Variants in HMGXB3 observed in about 807,000 individuals in gnomAD.
The protein encoded by HMGXB3 is HMG domain-containing protein 3.
Under a neutral mutation model 121.5 loss-of-function variants are expected in HMGXB3, and 45 were observed. That is an observed-to-expected ratio of 0.37 (90% CI 0.29 to 0.47). The LOEUF (loss-of-function observed/expected upper bound fraction) is 0.47, where lower values mean the gene tolerates loss of function less well. HMGXB3 is among the 20% of genes least tolerant of loss of function. The pLI is 0.99. For missense variants in HMGXB3, 1,376 were observed against 1,602.2 expected (o/e 0.86, Z 2.41); for synonymous variants, 590 against 624.1 (o/e 0.95, Z 0.81).
rs2113741412 is a variant in HMGXB3 at position 150,024,515 on chromosome 5, G to A, written c.1295G>A (p.Gly432Glu). The A allele has an allele frequency of 6.4e-7, 1 of 1,551,688 alleles. No homozygotes were observed. The highest frequency in any genetic ancestry group is 1.2e-5 in the South Asian group (1 of 84,056). ...DAHVLVKEAP[G>E]NCGTAVTKTP... ...CATGTTTTGGTTAAGGAAGCTCCCGGGAATTGTGGTACAGCAGTCACTAAG... is the reference window on the plus strand; with the variant it reads ...CATGTTTTGGTTAAGGAAGCTCCCGAGAATTGTGGTACAGCAGTCACTAAG... The change falls in exon 7 of 20, where the codon GGG becomes GAG. Residue 432 changes from glycine (G) to glutamate (E), a missense_variant. By Grantham distance (98) the Gly-to-Glu change is moderately conservative. Around this residue, in one of 2 missense-constraint regions of HMGXB3, gnomAD observed 1,116 missense variants for 1,369.0 expected, o/e 0.82. Coordinates refer to ENST00000502717, the MANE Select transcript of HMGXB3 (RefSeq NM_014983.3).
At chr5:150,031,217 G>A (rs1756370258) in intron 10 of HMGXB3, among the ~76,000 whole-genome samples, 1 of 152,180 alleles carries the variant, frequency 6.6e-6, no homozygotes, top group Non-Finnish European at 1.5e-5. Flanking sequence ...CTAAAACAGA[G>A]TCCAGTTCAA....
intron 1 of HMGXB3, among the ~76,000 whole-genome samples, chr5:150,004,444 T>G (rs1236721953): frequency 6.6e-6 from 1 of 152,250 alleles, no homozygotes; most frequent in Non-Finnish European, 1.5e-5. Flanking sequence ...TTCTGATTCC[T>G]GGCCAAGCAT....
chr5:150,010,703 A>C (rs1424346984), intron 4 of HMGXB3, 95 bp downstream of exon 4: 6 of 1,240,770 alleles, frequency 4.8e-6, no homozygotes, highest in African/African-American at 4.5e-5. Context: ...AGTGGTAATC[A>C]AGAGTACTGG....
rs1333846060 is a variant in HMGXB3 at position 150,032,437 on chromosome 5, T to G, written c.1834-17T>G. The G allele has an allele frequency of 1.3e-6, 2 of 1,549,930 alleles. No homozygotes were observed. The highest frequency in any genetic ancestry group is 2.7e-5 in the African/African-American group (2 of 72,988). On this transcript the variant is annotated splice_polypyrimidine_tract_variant and intron_variant, in intron 10 of 19. Coordinates refer to ENST00000502717, the MANE Select transcript of HMGXB3 (RefSeq NM_014983.3). Reference sequence around the variant, plus strand: ...ACTTAATTTTTGTAGAATTGAACACTGGTCTTACTTTTTTAGGATTTGGGC... The same window carrying G: ...ACTTAATTTTTGTAGAATTGAACACGGGTCTTACTTTTTTAGGATTTGGGC...
rs1285422775 is a variant in HMGXB3, at chr5:150,010,103, A to G, written c.313-8A>G. 1.3e-6 allele frequency: 2 copies of G among 1,546,016 alleles called. No individual in the cohort carries two copies. The highest frequency in any genetic ancestry group is 8.7e-7 in the Non-Finnish European group (1 of 1,143,438). On this transcript the variant is annotated splice_region_variant and splice_polypyrimidine_tract_variant and intron_variant, in intron 3 of 19. Transcript: ENST00000502717. ...TTGTCTCCCCCTTCCTGGCTTCCTC[A>G]TCCTCAGAACTCTAAGCTCTCTGCA...
intron 11 of HMGXB3, among the ~76,000 whole-genome samples, chr5:150,034,256 A>G (rs904986812): frequency 1.3e-5 from 2 of 152,172 alleles, no homozygotes; most frequent in Non-Finnish European, 2.9e-5. Flanking sequence ...ATCACACCCC[A>G]TATTGACTGC....
At chr5:150,023,320 T>C (rs567250275) in intron 6 of HMGXB3, among the ~76,000 whole-genome samples, 44 of 152,176 alleles carry the variant, frequency 2.9e-4, no homozygotes, top group Non-Finnish European at 5.3e-4. Context: ...GTCTGGCTCC[T>C]GTTGACAAAT....
chr5:150,010,415 C>T lies in HMGXB3; in HGVS notation c.617C>T (p.Thr206Ile), dbSNP rs1243085107. The T allele has an allele frequency of 6.4e-7, 1 of 1,551,668 alleles. No homozygotes were observed. Among genetic ancestry groups the T allele is most frequent in the Non-Finnish European group, 8.7e-7 (1 of 1,147,002 alleles). The change falls in exon 4 of 20, where the codon ACC becomes ATC. Residue 206 changes from threonine to isoleucine, a missense_variant. Thr to Ile is a moderately conservative substitution (Grantham distance 89). Transcript: ENST00000502717. ...TCAGGTGCTGTACAGGAGATTGCCA[C>T]CTCAGAGATCCTCAGCCAGGATGTG... Reference protein sequence around the residue: ...TQSGAVQEIATSEILSQDVLL... With the variant: ...TQSGAVQEIAISEILSQDVLL...
intron 5 of HMGXB3, among the ~76,000 whole-genome samples, chr5:150,012,974 T>C (rs1011511499): frequency 5.3e-5 from 8 of 152,246 alleles, no homozygotes; most frequent in African/African-American, 1.9e-4. Flanking sequence ...AACTCACTTA[T>C]TAGTTCTGGT....
chr5:150,036,962 T>C, intron 12 of HMGXB3, 25 bp downstream of exon 12: 2 of 1,529,702 alleles, frequency 1.3e-6, no homozygotes, highest in Non-Finnish European at 1.8e-6. Flanking sequence ...ACTCTGCCCC[T>C]AGCTACCCCA....
chr5:150,030,543 T>C (rs1397160375), intron 9 of HMGXB3, 198 bp from the exon 10 acceptor site: 1 of 557,792 alleles, frequency 1.8e-6, no homozygotes, highest in Non-Finnish European at 3.2e-6. Flanking sequence ...CACAGAAGCA[T>C]GTGGCAAGGC....
chr5:150,014,956 TA>T, intron 5 of HMGXB3: 2 of 945,016 alleles, frequency 2.1e-6, no homozygotes, highest in Non-Finnish European at 2.9e-6. Context: ...CATATTCTCT[TA>T]AAAATGGGAA....
Position 150,024,457 on chromosome 5 carries a change from A to G in HMGXB3, c.1237A>G (p.Ser413Gly), listed in dbSNP as rs1756174034. The change falls in exon 7 of 20, where the codon AGT becomes GGT. Residue 413 changes from serine (S) to glycine (G), a missense_variant. Around this residue, in one of 2 missense-constraint regions of HMGXB3, gnomAD observed 1,116 missense variants for 1,369.0 expected, o/e 0.82. Coordinates refer to ENST00000502717, the MANE Select transcript of HMGXB3 (RefSeq NM_014983.3). ...TCCTCCCAGAGAAGTAGGTGAGGAG[A>G]GTGAGTGGGAGGAAGTGATCATCTC... ...VAPPREVGEE[S>G]EWEEVIISDA... The G allele has an allele frequency of 6.4e-7, 1 of 1,551,646 alleles. No homozygotes were observed. Among genetic ancestry groups the G allele is most frequent in the Non-Finnish European group, 8.7e-7 (1 of 1,146,964 alleles).
intron 5 of HMGXB3, among the ~76,000 whole-genome samples, chr5:150,015,784 T>C (rs1340242313): frequency 6.6e-6 from 1 of 152,242 alleles, no homozygotes; most frequent in African/African-American, 2.4e-5. Flanking sequence ...ATTTTCCAGA[T>C]ATCTTTCTGT....
chr5:150,049,295 G>T (rs1756834615), intron 18 of HMGXB3, among the ~76,000 whole-genome samples: 1 of 152,206 alleles, frequency 6.6e-6, no homozygotes, highest in Non-Finnish European at 1.5e-5. Flanking sequence ...GGACCTTTTG[G>T]ATGGTTTTGA....
chr5:150,006,887 T>A (rs1581245399), intron 3 of HMGXB3, among the ~76,000 whole-genome samples: 1 of 152,196 alleles, frequency 6.6e-6, no homozygotes, highest in Non-Finnish European at 1.5e-5. Flanking sequence ...GAGCCTTAGG[T>A]TCCTTTTCTA....
At chr5:150,051,612 T>C in intron 19 of HMGXB3, 113 bp from the exon 20 acceptor site, 1 of 839,536 alleles carries the variant, frequency 1.2e-6, no homozygotes, top group South Asian at 1.8e-5. Context: ...ACACAGTACA[T>C]GGTGATGTTA....
chr5:150,036,616 T>C lies in HMGXB3; in HGVS notation c.1984-20T>C. 2 of 1,512,238 alleles carry C rather than the reference T, an allele frequency of 1.3e-6. No homozygotes were observed. Among genetic ancestry groups the C allele is most frequent in the Non-Finnish European group, 1.8e-6 (2 of 1,127,206 alleles). The allele number at this position is 1,512,238 out of a possible 1,614,324, so 93.7% of individuals were successfully genotyped here. On this transcript the variant is annotated intron_variant, in intron 11 of 19. Coordinates refer to ENST00000502717, the MANE Select transcript of HMGXB3 (RefSeq NM_014983.3). The stretch of plus-strand genomic sequence containing the variant: ...TCTTTCTGCTCTGAGTGCTTGGTGA[T>C]CAATCCACTCTCTTCCCAGGAGGTG...
At position 150,006,541 on chromosome 5, in the gene HMGXB3, A is replaced by G; in HGVS notation, c.206A>G (p.Gln69Arg). 6.4e-7 allele frequency: 1 copy of G among 1,552,082 alleles called. No individual in the cohort carries two copies. Among genetic ancestry groups the G allele is most frequent in the Non-Finnish European group, 8.7e-7 (1 of 1,147,044 alleles). ...KVQQELPHLPQSEINKKISES... is the reference protein window; with the variant it reads ...KVQQELPHLPRSEINKKISES... The stretch of plus-strand genomic sequence containing the variant: ...CAGCAGGAGCTCCCCCACCTCCCTC[A>G]GTCTGAGATCAATAAGAAGATTAGT... The change falls in exon 3 of 20, where the codon CAG becomes CGG. Residue 69 changes from glutamine (Q) to arginine (R), a missense_variant. Transcript: ENST00000502717.
Sources: gnomAD v4.1 joint callset for allele counts (sites outside exome capture counted in the v4.1 genomes callset) on GRCh38, gnomAD v4.1.1 for gene constraint, gnomAD v4.1.1 regional missense constraint, MANE v1.5 for transcripts, NCBI Gene and HGNC (gene_info 2026-07-23, HGNC 2026-07-21) for gene names.